CRYGN: variants seen among roughly 807,000 people sequenced by gnomAD.
The protein encoded by CRYGN is gamma-crystallin N.
CRYGN carries 17 observed loss-of-function variants against 19.2 expected under a neutral mutation model. The observed-to-expected ratio is 0.89, with a 90% CI of 0.61 to 1.33. The LOEUF (loss-of-function observed/expected upper bound fraction) is 1.33, where lower values mean the gene tolerates loss of function less well. CRYGN is among the 40% of genes most tolerant of loss of function. The probability of loss-of-function intolerance (pLI) is 0.00; values close to 1 mark genes in which losing one functional copy is unlikely to be tolerated. For synonymous variants in CRYGN, 84 were observed against 85.8 expected (o/e 0.98, Z 0.12); for missense variants, 239 against 239.6 (o/e 1.00, Z 0.02).
In CRYGN at chr7:151,438,238, G is replaced by A; in HGVS notation, c.28C>T (p.Leu10Phe). Residue 10 changes from leucine to phenylalanine, a missense_variant, in exon 2 of 4, where the codon CTC (leucine) becomes TTC (phenylalanine). Coordinates refer to ENST00000337323, the MANE Select transcript of CRYGN (RefSeq NM_144727.3). Reference protein sequence around the residue: MAQRSGKITLYEGKHFTGQK... With the variant: MAQRSGKITFYEGKHFTGQK... ...CCTGTGAAGTGCTTGCCTTCATAGA[G>A]AGTGATCTAGAAAGGGCAGGTTACA... 1 of 1,609,132 alleles carries A rather than the reference G, an allele frequency of 6.2e-7. No individual in the cohort carries two copies. The highest frequency in any genetic ancestry group is 8.5e-7 in the Non-Finnish European group (1 of 1,177,856).
chr7:151,433,010 G>A lies in CRYGN; in HGVS notation c.417-2830C>T, dbSNP rs144079956. Among the ~76,000 whole-genome samples, 87 of 152,338 alleles carry A rather than the reference G, an allele frequency of 5.7e-4. No homozygotes were observed. Among genetic ancestry groups the A allele is most frequent in the African/African-American group, 2.0e-3 (82 of 41,582 alleles). ...GGTTCCTGCCCCCTCCTGCCCTCACGGGGCCTCCCCTGCAGAGGAAATGGG... is the reference window on the plus strand; with the variant it reads ...GGTTCCTGCCCCCTCCTGCCCTCACAGGGCCTCCCCTGCAGAGGAAATGGG... On this transcript the variant is annotated intron_variant, in intron 3 of 3. Transcript: ENST00000337323. This position sits in a 1 kb window ranked among gnomAD's most constrained non-coding sequence, Gnocchi z 5.1.
At chr7:151,434,703 T>G (rs1801555839) in intron 3 of CRYGN, among the ~76,000 whole-genome samples, 1 of 152,172 alleles carries the variant, frequency 6.6e-6, no homozygotes, top group African/African-American at 2.4e-5. Context: ...ATATAGTAAG[T>G]CCTCACTTAA....
Position 151,436,368 on chromosome 7 carries a change from T to C in CRYGN, c.271-43A>G. 6.8e-7 allele frequency: 1 copy of C among 1,463,700 alleles called. No individual in the cohort carries two copies. Among genetic ancestry groups the C allele is most frequent in the Non-Finnish European group, 9.1e-7 (1 of 1,099,106 alleles). 90.7% of individuals were successfully genotyped at this position (1,463,700 alleles called of 1,614,324 possible). A position where few individuals can be genotyped will look rare whatever the true frequency, so the allele number is the denominator to read the frequency against. ...AAAGAAGGAAAGAAGGAGGTTGCTG[T>C]GAATTCCCCTCTCCCAGAAACAGAA... On this transcript the variant is annotated intron_variant, in intron 2 of 3. Transcript: ENST00000337323. This position sits in a 1 kb window ranked among gnomAD's most constrained non-coding sequence, Gnocchi z 5.1.
Position 151,434,669 on chromosome 7 carries a change from T to C in CRYGN, c.416+1511A>G, listed in dbSNP as rs563949882. ...GATATAAAATGGCACTGTATTTGCA[T>C]ATAACCCATGTGTATCCTCCCATAT... is the stretch of plus-strand genomic sequence containing the variant. On this transcript the variant is annotated intron_variant, in intron 3 of 3. Transcript: ENST00000337323. 4.6e-5 allele frequency among the ~76,000 whole-genome samples: 7 copies of C among 152,314 alleles called. No homozygotes were observed. In the South Asian group the frequency reaches 6.2e-4, roughly 14 times the overall value.
In CRYGN at chr7:151,436,188, C is replaced by T. The variant is rs781439725; in HGVS notation, c.408G>A (p.Gly136=). 12 of 1,528,150 alleles carry T rather than the reference C, an allele frequency of 7.9e-6. No homozygotes were observed. In the Admixed American group the frequency reaches 2.3e-4, roughly 29 times the overall value. 94.7% of individuals were successfully genotyped at this position (1,528,150 alleles called of 1,614,324 possible). Residue 136 remains glycine (G), a synonymous_variant, in exon 3 of 4, where the codon GGG becomes GGA. Transcript: ENST00000337323. This position sits in a 1 kb window ranked among gnomAD's most constrained non-coding sequence, Gnocchi z 5.1. ...ACGTGGCCTGTACTCACGCTCCGTC[C>T]CCGTACACCTTGATGGTGTTCACAC... ...KNCVNTIKVY[G]DGAAWSPRSF...
upstream of CRYGN, chr7:151,440,192 C>CCCCTGCCCTG (rs1460776567): frequency 9.8e-7 from 1 of 1,015,230 alleles, no homozygotes; most frequent in African/African-American, 1.7e-5. Context: ...CCCGCGGCTG[C>CCCCTGCCCTG]CCCTGCCCTG....
rs1029502544 is a variant in CRYGN, at chr7:151,431,164, C to T, written c.417-984G>A. Reference sequence around the variant, plus strand: ...ATTCAGGACTCTGCTGGAGGGCTGCCGGCAGCAGGGAGTTACCTGGGCCAC... The same window carrying T: ...ATTCAGGACTCTGCTGGAGGGCTGCTGGCAGCAGGGAGTTACCTGGGCCAC... On this transcript the variant is annotated intron_variant, in intron 3 of 3. Coordinates refer to ENST00000337323, the MANE Select transcript of CRYGN (RefSeq NM_144727.3). The surrounding 1 kb of genome is among the most constrained non-coding windows in gnomAD (Gnocchi z 4.8). Among the ~76,000 whole-genome samples the T allele has an allele frequency of 5.9e-5, 9 of 152,164 alleles. No homozygotes were observed. The highest frequency in any genetic ancestry group is 1.9e-4 in the African/African-American group (8 of 41,434).
At chr7:151,432,115 G>C (rs1801483360) in intron 3 of CRYGN, 1 of 1,110,076 alleles carries the variant, frequency 9.0e-7, no homozygotes, top group African/African-American at 1.6e-5. Context: ...CCTGTCCCCA[G>C]AGCTGCGCCC....
intron 3 of CRYGN, chr7:151,432,250 C>A (rs570549967): frequency 4.1e-5 from 50 of 1,230,902 alleles, no homozygotes; most frequent in Non-Finnish European, 4.5e-5. Flanking sequence ...CACGTACATG[C>A]GGCCGTGGTA....
chr7:151,438,326 C>G, intron 1 of CRYGN, 82 bp from the exon 2 acceptor site: 1 of 1,401,762 alleles, frequency 7.1e-7, no homozygotes, highest in Non-Finnish European at 9.7e-7. Context: ...TCCCAACACC[C>G]TGGATGGAAC....
chr7:151,432,376 C>T, intron 3 of CRYGN: 1 of 722,344 alleles, frequency 1.4e-6, no homozygotes, highest in Non-Finnish European at 1.9e-6. Context: ...CACCCAGCAA[C>T]CCCTCCCGGT....
At position 151,438,613 on chromosome 7, in the gene CRYGN, G is replaced by A. The variant is rs116921831; in HGVS notation, c.22-369C>T. Reference sequence around the variant, plus strand: ...TTTTTAATTATTAAAACATAAAGCCGATAATAACATTAAAGGAGGTGTTTT... The same window carrying A: ...TTTTTAATTATTAAAACATAAAGCCAATAATAACATTAAAGGAGGTGTTTT... On this transcript the variant is annotated intron_variant, in intron 1 of 3. Coordinates refer to ENST00000337323, the MANE Select transcript of CRYGN (RefSeq NM_144727.3). 1.4e-3 allele frequency among the ~76,000 whole-genome samples: 215 copies of A among 152,276 alleles called. 1 individual carries two copies. Among genetic ancestry groups the A allele is most frequent in the East Asian group, 8.5e-3 (44 of 5,188 alleles).
At position 151,431,539 on chromosome 7, in the gene CRYGN, G is replaced by T. The variant is rs967498929; in HGVS notation, c.417-1359C>A. On this transcript the variant is annotated intron_variant, in intron 3 of 3. Transcript: ENST00000337323. This position sits in a 1 kb window ranked among gnomAD's most constrained non-coding sequence, Gnocchi z 4.8. ...GTCTGCCAGCCCTACTGCTCCAGGG[G>T]CTATGGCTGCAGCAGACACGCCCCA... Among the ~76,000 whole-genome samples, 1 of 152,124 alleles carries T rather than the reference G, an allele frequency of 6.6e-6. No individual in the cohort carries two copies. The highest frequency in any genetic ancestry group is 2.4e-5 in the African/African-American group (1 of 41,410).
In CRYGN at chr7:151,430,855, C is replaced by T. The variant is rs1801447706; in HGVS notation, c.417-675G>A. ...CAGTTGGTTGGGGGGACTCTGGGAT[C>T]GCAGTCGGGGATTAGAGGCTGGACC... is the stretch of plus-strand genomic sequence containing the variant. On this transcript the variant is annotated intron_variant, in intron 3 of 3. Transcript: ENST00000337323. The surrounding 1 kb of genome is among the most constrained non-coding windows in gnomAD (Gnocchi z 5.2). Among the ~76,000 whole-genome samples, 1 of 152,146 alleles carries T rather than the reference C, an allele frequency of 6.6e-6. No individual in the cohort carries two copies. The highest frequency in any genetic ancestry group is 2.4e-5 in the African/African-American group (1 of 41,418).
rs1163256720 is a variant in CRYGN, at chr7:151,435,120, C to T, written c.416+1060G>A. The stretch of plus-strand genomic sequence containing the variant: ...TCTCTGTCTCCCTGCAGTCCCTCTG[C>T]CCCCTGCATCCCCTCCGAAGCTCCC... On this transcript the variant is annotated intron_variant, in intron 3 of 3. Transcript: ENST00000337323. This position sits in a 1 kb window ranked among gnomAD's most constrained non-coding sequence, Gnocchi z 4.2. 6.6e-6 allele frequency among the ~76,000 whole-genome samples: 1 copy of T among 152,228 alleles called. No individual in the cohort carries two copies. Among genetic ancestry groups the T allele is most frequent in the Non-Finnish European group, 1.5e-5 (1 of 68,044 alleles).
intron 2 of CRYGN, among the ~76,000 whole-genome samples, chr7:151,437,494 C>T (rs892151966): frequency 2.0e-5 from 3 of 152,192 alleles, no homozygotes; most frequent in Non-Finnish European, 4.4e-5. Context: ...ACCTCTTGGG[C>T]GGCAGCTACC....
Position 151,438,194 on chromosome 7 carries a change from GA to G in CRYGN, c.71del (p.Phe24SerfsTer13). On this transcript the variant is annotated frameshift_variant, in exon 2 of 4. Transcript: ENST00000337323. LOFTEE classifies it high-confidence loss of function. ...GGTCCTGGAAGTTGTCACAGTCCCC[GA>G]AGACCTCCAGCTTCTGCCCTGTGAA... ...KHFTGQKLEV[F>X]GDCDNFQDRG... 6.2e-7 allele frequency: 1 copy of G among 1,614,038 alleles called. No homozygotes were observed. The highest frequency in any genetic ancestry group is 8.5e-7 in the Non-Finnish European group (1 of 1,180,032).
chr7:151,429,020 G>A lies in CRYGN; in HGVS notation c.*1028C>T, dbSNP rs557942581. On this transcript the variant is annotated 3_prime_UTR_variant, in exon 4 of 4. Coordinates refer to ENST00000337323, the MANE Select transcript of CRYGN (RefSeq NM_144727.3). ...TGGGGAGGAGAGGAAGAGTTCAGGG[G>A]AAGCCTCTGGAACTCATGGGAAGGG... 1 of 152,684 alleles carries A rather than the reference G, an allele frequency of 6.5e-6. No individual in the cohort carries two copies. The highest frequency in any genetic ancestry group is 2.1e-4 in the South Asian group (1 of 4,832). 9.5% of individuals were successfully genotyped at this position (152,684 alleles called of 1,614,324 possible). A position where few individuals can be genotyped will look rare whatever the true frequency, so the allele number is the denominator to read the frequency against.
Position 151,439,988 on chromosome 7 carries a change from G to C in CRYGN, c.-71C>G, listed in dbSNP as rs1282097288. ...GCCCTGCTGGCTCAGCGCCGCCCCG[G>C]ACAAAAGATTTGCTGGGCCGGCCCC... is the stretch of plus-strand genomic sequence containing the variant. On this transcript the variant is annotated 5_prime_UTR_variant, in exon 1 of 4. Coordinates refer to ENST00000337323, the MANE Select transcript of CRYGN (RefSeq NM_144727.3). The C allele has an allele frequency of 2.1e-5, 30 of 1,445,088 alleles. No homozygotes were observed. The South Asian group carries it at 3.6e-4, about 17-fold the overall frequency. The allele number at this position is 1,445,088 out of a possible 1,614,324, so 89.5% of individuals were successfully genotyped here. A position where few individuals can be genotyped will look rare whatever the true frequency, so the allele number is the denominator to read the frequency against.
Sources: gnomAD v4.1 joint callset for allele counts (sites outside exome capture counted in the v4.1 genomes callset) on GRCh38, gnomAD v4.1.1 for gene constraint, Gnocchi (gnomAD v3.1) non-coding constraint, MANE v1.5 for transcripts, NCBI Gene and HGNC (gene_info 2026-07-23, HGNC 2026-07-21) for gene names.